MICALL2: variants seen among roughly 807,000 people sequenced by gnomAD.
The protein encoded by MICALL2 is MICAL like 2.
MICALL2 carries 111 observed loss-of-function variants against 91.1 expected under a neutral mutation model. That is an observed-to-expected ratio of 1.22 (90% CI 1.04 to 1.43). MICALL2 has a LOEUF of 1.43. Ranked by LOEUF, MICALL2 falls within the 40% of genes most tolerant of loss-of-function variation. The pLI, the probability that MICALL2 is intolerant of heterozygous loss-of-function variation, is 0.00. For missense variants in MICALL2, 1,556 were observed against 1,236.0 expected, an observed-to-expected ratio of 1.26 and a Z score of -3.88; for synonymous variants, 694 against 525.3, an observed-to-expected ratio of 1.32 and a Z score of -4.39.
rs367939579 is a variant in MICALL2 at position 1,438,341 on chromosome 7, G to T, written c.2135C>A (p.Ser712Tyr). 67 of 1,603,396 alleles carry T rather than the reference G, an allele frequency of 4.2e-5. 1 individual carries two copies. Among genetic ancestry groups the T allele is most frequent in the Middle Eastern group, 2.0e-4 (1 of 5,094 alleles). The change falls in exon 11 of 17, where the codon TCC becomes TAC. Residue 712 changes from serine to tyrosine, a missense_variant. Transcript: ENST00000297508. ...AGGCAGAGCAGGGACATTGGCCGGG[G>T]ACAAGGGTCTCCCTGGAGAAGGAGC... ...HLQGKPGRPL[S>Y]PANVPALPGE... is the part of the protein sequence containing the mutation.
chr7:1,455,771 A>C (rs1195790979), intron 1 of MICALL2, among the ~76,000 whole-genome samples: 1 of 151,916 alleles, frequency 6.6e-6, no homozygotes, highest in Non-Finnish European at 1.5e-5. Flanking sequence ...TGCAGCAGGA[A>C]GGACTAAGGC....
intron 9 of MICALL2, chr7:1,439,703 C>T (rs1241927365): frequency 6.9e-6 from 3 of 434,052 alleles, no homozygotes; most frequent in Non-Finnish European, 1.2e-5. Context: ...ATGCATCACG[C>T]ATGGATACAG....
At chr7:1,436,373 A>G (rs1779964231) in intron 15 of MICALL2, among the ~76,000 whole-genome samples, 2 of 150,140 alleles carry the variant, frequency 1.3e-5, no homozygotes, top group African/African-American at 4.9e-5. Flanking sequence ...CAGGAGGGAA[A>G]CTTCGTCTCA....
At position 1,436,307 on chromosome 7, in the gene MICALL2, G is replaced by A. The variant is rs372206140; in HGVS notation, c.2591+435C>T. Among the ~76,000 whole-genome samples the A allele has an allele frequency of 1.6e-3, 240 of 151,796 alleles. 5 individuals are homozygous for A. The South Asian group carries it at 0.047, about 30-fold the overall frequency. ...TGAGGCAGGAGAATCGCTTGAACTC[G>A]GCAGACGGAGGTTGCAGTGAGCCAA... On this transcript the variant is annotated intron_variant, in intron 15 of 16. Coordinates refer to ENST00000297508, the MANE Select transcript of MICALL2 (RefSeq NM_182924.4).
chr7:1,449,139 G>T (rs1007652521), intron 2 of MICALL2, among the ~76,000 whole-genome samples: 1 of 152,200 alleles, frequency 6.6e-6, no homozygotes, highest in African/African-American at 2.4e-5. Flanking sequence ...GGCCAGAAGG[G>T]ACACACAGGT....
intron 1 of MICALL2, among the ~76,000 whole-genome samples, chr7:1,453,518 G>A (rs1199907462): frequency 6.6e-6 from 1 of 152,136 alleles, no homozygotes; most frequent in Non-Finnish European, 1.5e-5. Context: ...TGTTGAAACC[G>A]CCCGTTTGGG....
intron 2 of MICALL2, among the ~76,000 whole-genome samples, chr7:1,449,497 G>A (rs1273134919): frequency 6.6e-6 from 1 of 152,204 alleles, no homozygotes; most frequent in Non-Finnish European, 1.5e-5. Flanking sequence ...TTTTAGTAGA[G>A]ACGAGGTTTC....
chr7:1,451,879 C>T lies in MICALL2; in HGVS notation c.144-1591G>A, dbSNP rs1452912276. ...CCCAGCCTGCACAGCCCTTGCCAGG[C>T]CCTGACCCCCATAAGAATGCTCCGA... On this transcript the variant is annotated intron_variant, in intron 1 of 16. Transcript: ENST00000297508. This position sits in a 1 kb window ranked among gnomAD's most constrained non-coding sequence, Gnocchi z 4.5. Among the ~76,000 whole-genome samples the T allele has an allele frequency of 1.3e-5, 2 of 152,230 alleles. No individual in the cohort carries two copies. The highest frequency in any genetic ancestry group is 2.9e-5 in the Non-Finnish European group (2 of 68,040).
At position 1,437,955 on chromosome 7, in the gene MICALL2, C is replaced by T. The variant is rs1184058233; in HGVS notation, c.2337G>A (p.Val779=). 1.9e-6 allele frequency: 3 copies of T among 1,550,104 alleles called. No individual in the cohort carries two copies. The highest frequency in any genetic ancestry group is 2.4e-5 in the East Asian group (1 of 41,106). The change falls in exon 13 of 17, where the codon GTG becomes GTA. Residue 779 remains valine (V), a synonymous_variant. Coordinates refer to ENST00000297508, the MANE Select transcript of MICALL2 (RefSeq NM_182924.4). ...EGDDAEDSLM[V]DWFWLIHEKQ... Reference sequence around the variant, plus strand: ...TCTCGTGAATGAGCCAGAACCAGTCCACCATGAGGCTATCCTCAGCGTCAT... The same window carrying T: ...TCTCGTGAATGAGCCAGAACCAGTCTACCATGAGGCTATCCTCAGCGTCAT...
At position 1,442,502 on chromosome 7, in the gene MICALL2, G is replaced by C. The variant is rs771412739; in HGVS notation, c.1419-18C>G. The C allele has an allele frequency of 1.3e-6, 2 of 1,518,626 alleles. No individual in the cohort carries two copies. Among genetic ancestry groups the C allele is most frequent in the South Asian group, 1.3e-5 (1 of 75,894 alleles). The allele number at this position is 1,518,626 out of a possible 1,614,324, so 94.1% of individuals were successfully genotyped here. The stretch of plus-strand genomic sequence containing the variant: ...GGGAGGGCCTATAAGTAAAAGCGCA[G>C]GCATCAGGCACAGCTGGATCCAGGC... On this transcript the variant is annotated intron_variant, in intron 6 of 16. Transcript: ENST00000297508.
intron 10 of MICALL2, 63 bp from the exon 11 acceptor site, chr7:1,438,416 C>T (rs1780092656): frequency 6.4e-7 from 1 of 1,551,804 alleles, no homozygotes; most frequent in African/African-American, 1.4e-5. Context: ...GACCAGGACA[C>T]AGCTTGGAAG....
chr7:1,437,348 A>C, intron 14 of MICALL2, 187 bp downstream of exon 14: 2 of 589,674 alleles, frequency 3.4e-6, no homozygotes, highest in South Asian at 4.3e-5. Flanking sequence ...CAGCAAGGTT[A>C]AGTACCTTGG....
Position 1,442,221 on chromosome 7 carries a change from G to A in MICALL2, c.1682C>T (p.Ala561Val). The change falls in exon 7 of 17, where the codon GCA becomes GTA. Residue 561 changes from alanine (A) to valine (V), a missense_variant. Coordinates refer to ENST00000297508, the MANE Select transcript of MICALL2 (RefSeq NM_182924.4). ...CGTTAAGGTGGTGCTTTTACCCTTT[G>A]CCATCGGGGCCTCTGGCTTCGGCCT... is the stretch of plus-strand genomic sequence containing the variant. ...GSRPKPEAPM[A>V]KGKSTTLTQD... The A allele has an allele frequency of 1.9e-6, 3 of 1,612,766 alleles. No homozygotes were observed. Among genetic ancestry groups the A allele is most frequent in the Non-Finnish European group, 2.5e-6 (3 of 1,179,924 alleles).
Position 1,445,619 on chromosome 7 carries a change from G to A in MICALL2, c.642-191C>T, listed in dbSNP as rs545179634. On this transcript the variant is annotated intron_variant, in intron 5 of 16. Coordinates refer to ENST00000297508, the MANE Select transcript of MICALL2 (RefSeq NM_182924.4). ...GCGGACTCCTGTGTTCCACTCACGA[G>A]GTCGCTGATTCATTCAACAAACGCC... Among the ~76,000 whole-genome samples, 55 of 152,354 alleles carry A rather than the reference G, an allele frequency of 3.6e-4. 1 individual carries two copies. Among genetic ancestry groups the A allele is most frequent in the African/African-American group, 1.1e-3 (47 of 41,576 alleles).
chr7:1,446,213 G>T (rs1235036486), intron 5 of MICALL2, among the ~76,000 whole-genome samples: 9 of 7,918 alleles, frequency 1.1e-3, no homozygotes, highest in South Asian at 5.3e-3. Context: ...GGGGGAGGAG[G>T]GAGAGGAGGG....
chr7:1,449,844 A>C (rs1780756421), intron 2 of MICALL2, among the ~76,000 whole-genome samples: 1 of 152,234 alleles, frequency 6.6e-6, no homozygotes, highest in African/African-American at 2.4e-5. Flanking sequence ...CAGGGCCGGA[A>C]GGCAGGTCCC....
chr7:1,446,609 C>A, intron 5 of MICALL2, 104 bp downstream of exon 5: 2 of 682,800 alleles, frequency 2.9e-6, no homozygotes, highest in Non-Finnish European at 2.4e-6. Context: ...GGGAGAGGAA[C>A]GAGGAGCGGG....
chr7:1,438,416 C>A, intron 10 of MICALL2, 63 bp from the exon 11 acceptor site: 1 of 1,551,804 alleles, frequency 6.4e-7, no homozygotes, highest in Non-Finnish European at 8.7e-7. Flanking sequence ...GACCAGGACA[C>A]AGCTTGGAAG....
rs147821159 is a variant in MICALL2 at position 1,441,679 on chromosome 7, C to G, written c.1711+513G>C. 647 of 168,170 alleles carry G rather than the reference C, an allele frequency of 3.8e-3. 2 individuals are homozygous for G. The highest frequency in any genetic ancestry group is 0.015 in the African/African-American group (607 of 41,600). 10.4% of individuals were successfully genotyped at this position (168,170 alleles called of 1,614,324 possible). Reference sequence around the variant, plus strand: ...CAGGGGGACAGGGCATACTGGGACACCAGCGGAGGGGACGGGGCATAGGGC... The same window carrying G: ...CAGGGGGACAGGGCATACTGGGACAGCAGCGGAGGGGACGGGGCATAGGGC... On this transcript the variant is annotated intron_variant, in intron 7 of 16. Transcript: ENST00000297508.
Sources: allele counts gnomAD v4.1 joint callset (sites outside exome capture counted in the v4.1 genomes callset), GRCh38; gene constraint gnomAD v4.1.1; non-coding constraint Gnocchi (gnomAD v3.1); transcripts MANE v1.5; gene names NCBI Gene and HGNC (gene_info 2026-07-23, HGNC 2026-07-21).